CDK13: variants seen among roughly 807,000 people sequenced by gnomAD.
CDK13 encodes cyclin dependent kinase 13.
CDK13 carries 40 observed loss-of-function variants against 137.6 expected under a neutral mutation model. The observed-to-expected ratio is 0.29, with a 90% confidence interval of 0.23 to 0.38. CDK13 has a LOEUF of 0.38. CDK13 is among the 10% of genes least tolerant of loss of function. The pLI, the probability that CDK13 is intolerant of heterozygous loss-of-function variation, is 1.00. For missense variants in CDK13, 1,704 were observed against 1,951.8 expected (o/e 0.87, Z 2.39); for synonymous variants, 869 against 760.1 (o/e 1.14, Z -2.36).
intron 5 of CDK13, among the ~76,000 whole-genome samples, chr7:40,026,257 C>T (rs1295170602): frequency 1.3e-5 from 2 of 152,158 alleles, no homozygotes; most frequent in Admixed American, 6.6e-5. Context: ...GCCTGTAATC[C>T]CAGCACTTTG....
intron 1 of CDK13, among the ~76,000 whole-genome samples, chr7:39,972,631 C>T (rs971605019): frequency 6.6e-6 from 1 of 152,170 alleles, no homozygotes; most frequent in Admixed American, 6.5e-5. Flanking sequence ...CAAGGTTTAT[C>T]TGTGTTGTAG....
At chr7:40,065,482 CA>C (rs916024990) in intron 9 of CDK13, among the ~76,000 whole-genome samples, 303 of 148,358 alleles carry the variant, frequency 2.0e-3, no homozygotes, top group Middle Eastern at 7.0e-3. Flanking sequence ...AAAAAAATTC[CA>C]AAAAAAAAAT....
intron 9 of CDK13, among the ~76,000 whole-genome samples, chr7:40,068,477 C>T (rs1786332722): frequency 6.6e-6 from 1 of 151,914 alleles, no homozygotes; most frequent in Admixed American, 6.6e-5. Flanking sequence ...GGGCGGATCA[C>T]TTGAGGTCGA....
intron 9 of CDK13, chr7:40,069,673 T>G (rs1786367124): frequency 6.4e-6 from 1 of 155,928 alleles, no homozygotes; most frequent in African/African-American, 2.4e-5. Flanking sequence ...CTAATTTGCT[T>G]TAAATGGCTT....
chr7:40,076,973 A>G (rs1786558625), intron 9 of CDK13, among the ~76,000 whole-genome samples: 1 of 152,066 alleles, frequency 6.6e-6, no homozygotes, highest in Non-Finnish European at 1.5e-5. Context: ...ATTTTCATCT[A>G]CCTATTACTA....
intron 7 of CDK13, chr7:40,062,204 T>C (rs1310668188): frequency 6.6e-6 from 1 of 152,212 alleles, no homozygotes; most frequent in Non-Finnish European, 1.5e-5. Context: ...CCATTAAAGG[T>C]TTTTATGGAA....
At chr7:40,005,626 A>C (rs1260378383) in intron 5 of CDK13, among the ~76,000 whole-genome samples, 9 of 152,130 alleles carry the variant, frequency 5.9e-5, no homozygotes, top group Admixed American at 5.9e-4. Context: ...GTCTTAAAAA[A>C]GGAATTATTC....
chr7:40,086,162 AT>A (rs1352964535), intron 11 of CDK13, among the ~76,000 whole-genome samples: 11 of 152,238 alleles, frequency 7.2e-5, no homozygotes, highest in African/African-American at 2.4e-4. Flanking sequence ...ATTCAACCAT[AT>A]TATTGCATCT....
At chr7:40,021,517 G>A (rs1305618695) in intron 5 of CDK13, among the ~76,000 whole-genome samples, 1 of 151,854 alleles carries the variant, frequency 6.6e-6, no homozygotes, top group Admixed American at 6.6e-5. Context: ...TAATTTGTCT[G>A]TTTTAACTTG....
intron 2 of CDK13, among the ~76,000 whole-genome samples, chr7:39,988,714 C>T (rs1190698026): frequency 1.3e-5 from 2 of 152,022 alleles, no homozygotes; most frequent in African/African-American, 2.4e-5. Flanking sequence ...TTAGTCTTTT[C>T]TTAACTCTTT....
rs3839685 is a variant in CDK13 at position 40,002,396 on chromosome 7, TA to T, written c.2353+366del. The T allele has an allele frequency of 7.5e-5, 12 of 159,678 alleles. No individual in the cohort carries two copies. In the East Asian group the frequency reaches 2.0e-3, roughly 27 times the overall value. The allele number at this position is 159,678 out of a possible 1,614,324, so 9.9% of individuals were successfully genotyped here. ...AATGCCTTAACATATAAGGAAACTT[TA>T]CAGTAGGCATATGTATTATTTCTGA... On this transcript the variant is annotated intron_variant, in intron 5 of 13. Coordinates refer to ENST00000181839, the MANE Select transcript of CDK13 (RefSeq NM_003718.5).
At position 39,950,738 on chromosome 7, in the gene CDK13, T is replaced by C. The variant is rs1390349152; in HGVS notation, c.97T>C (p.Ser33Pro). The C allele has an allele frequency of 8.8e-6, 13 of 1,470,016 alleles. No individual in the cohort carries two copies. The highest frequency in any genetic ancestry group is 1.2e-5 in the Non-Finnish European group (13 of 1,118,534). The allele number at this position is 1,470,016 out of a possible 1,614,324, so 91.1% of individuals were successfully genotyped here. A position where few individuals can be genotyped will look rare whatever the true frequency, so the allele number is the denominator to read the frequency against. Residue 33 changes from serine (S) to proline (P), a missense_variant, in exon 1 of 14, where the codon TCC (serine) becomes CCC (proline). By Grantham distance (74) the Ser-to-Pro change is moderately conservative. Coordinates refer to ENST00000181839, the MANE Select transcript of CDK13 (RefSeq NM_003718.5). ...EERRKRRRFLSPQQPPLLLPL... is the reference protein window; with the variant it reads ...EERRKRRRFLPPQQPPLLLPL... ...ACGCCGCAAGCGGAGGCGATTCCTGTCCCCTCAGCAGCCGCCGCTGCTGTT... is the reference window on the plus strand; with the variant it reads ...ACGCCGCAAGCGGAGGCGATTCCTGCCCCCTCAGCAGCCGCCGCTGCTGTT...
chr7:40,084,349 A>G (rs1454146824), intron 11 of CDK13, among the ~76,000 whole-genome samples: 1 of 152,196 alleles, frequency 6.6e-6, no homozygotes, highest in Non-Finnish European at 1.5e-5. Context: ...ATGGTGACAC[A>G]TGCCTGTAAT....
At chr7:40,089,280 CA>C (rs1193505564) in intron 12 of CDK13, among the ~76,000 whole-genome samples, 4 of 138,880 alleles carry the variant, frequency 2.9e-5, no homozygotes, top group Non-Finnish European at 4.7e-5. Flanking sequence ...ACTAAAAATA[CA>C]AAAAAAAAAT....
At chr7:40,041,872 T>C (rs1785614249) in intron 5 of CDK13, among the ~76,000 whole-genome samples, 1 of 152,246 alleles carries the variant, frequency 6.6e-6, no homozygotes, top group African/African-American at 2.4e-5. Flanking sequence ...TACATTGCTT[T>C]AGTGATCATG....
In CDK13 at chr7:40,003,243, A is replaced by G. The variant is rs1351910587; in HGVS notation, c.2353+1212A>G. Among the ~76,000 whole-genome samples, 6 of 147,416 alleles carry G rather than the reference A, an allele frequency of 4.1e-5. 1 individual carries two copies. Among genetic ancestry groups the G allele is most frequent in the South Asian group, 4.2e-4 (2 of 4,728 alleles). ...TCTCTCTCTTACTCTGTTGAGGGAC[A>G]CAATTCAAAATGATTGATAAACTAC... is the stretch of plus-strand genomic sequence containing the variant. On this transcript the variant is annotated intron_variant, in intron 5 of 13. Transcript: ENST00000181839.
At chr7:40,016,341 GGTT>G (rs1785004676) in intron 5 of CDK13, among the ~76,000 whole-genome samples, 1 of 151,980 alleles carries the variant, frequency 6.6e-6, no homozygotes, top group African/African-American at 2.4e-5. Flanking sequence ...ATACTTTTTG[GGTT>G]GTTGTGAGAC....
At chr7:40,028,464 C>T (rs182961283) in intron 5 of CDK13, among the ~76,000 whole-genome samples, 99 of 152,090 alleles carry the variant, frequency 6.5e-4, no homozygotes, top group African/African-American at 2.1e-3. Context: ...ATGATCTGCC[C>T]GCCTTGGCCT....
Position 39,951,603 on chromosome 7 carries a change from G to T in CDK13, c.962G>T (p.Gly321Val). ...RRRRSLSPLG[G>V]RDDSPVSHRA... ...CGGCGGTCCCTCAGCCCACTGGGAG[G>T]CCGGGACGACAGCCCGGTGTCCCAC... is the stretch of plus-strand genomic sequence containing the variant. The change falls in exon 1 of 14, where the codon GGC becomes GTC. Residue 321 changes from glycine (G) to valine (V), a missense_variant. By Grantham distance (109) the Gly-to-Val change is moderately radical. This residue lies in a region of CDK13 where 1,051 missense variants were observed against 931.0 expected (regional missense o/e 1.13). Coordinates refer to ENST00000181839, the MANE Select transcript of CDK13 (RefSeq NM_003718.5). 1 of 1,484,784 alleles carries T rather than the reference G, an allele frequency of 6.7e-7. No individual in the cohort carries two copies. Among genetic ancestry groups the T allele is most frequent in the African/African-American group, 1.4e-5 (1 of 68,992 alleles). The allele number at this position is 1,484,784 out of a possible 1,614,324, so 92.0% of individuals were successfully genotyped here. A position where few individuals can be genotyped will look rare whatever the true frequency, so the allele number is the denominator to read the frequency against.
Sources: allele counts gnomAD v4.1 joint callset (sites outside exome capture counted in the v4.1 genomes callset), GRCh38; gene constraint gnomAD v4.1.1; regional missense constraint gnomAD v4.1.1; transcripts MANE v1.5; gene names NCBI Gene and HGNC (gene_info 2026-07-23, HGNC 2026-07-21).